The following IL1RAPL1 variants were observed in gnomAD, a reference collection of about 807,000 sequenced individuals.
IL1RAPL1 encodes the protein interleukin 1 receptor accessory protein like 1, also known as interleukin-1 receptor accessory protein-like 1.
Under a neutral mutation model 48.4 loss-of-function variants are expected in IL1RAPL1, and 3 were observed. The ratio of observed to expected loss-of-function variants is 0.06; its 90% confidence interval spans 0.03 to 0.16. The LOEUF is 0.16. Among genes scored for constraint, IL1RAPL1 ranks in the 10% least tolerant of loss-of-function variants. The pLI is 1.00. For missense variants in IL1RAPL1, 349 were observed against 530.6 expected (o/e 0.66, Z 3.36); for synonymous variants, 185 against 187.7 (o/e 0.99, Z 0.12).
intron 2 of IL1RAPL1, among the ~76,000 whole-genome samples, chrX:28,950,962 G>T (rs972136066): frequency 3.9e-5 from 4 of 103,783 alleles, no homozygotes; most frequent in African/African-American, 1.4e-4. Context: ...ATGAGTTCAT[G>T]TCCTTTGTAG....
intron 6 of IL1RAPL1, among the ~76,000 whole-genome samples, chrX:29,859,206 C>T (rs1001358887): frequency 8.9e-6 from 1 of 111,852 alleles, no homozygotes; most frequent in African/African-American, 3.3e-5. Context: ...CTAGTTGAAA[C>T]TTCTATTCTC....
chrX:28,806,748 C>G (rs1023545770), intron 2 of IL1RAPL1, among the ~76,000 whole-genome samples: 1 of 111,551 alleles, frequency 9.0e-6, no homozygotes, highest in African/African-American at 3.3e-5. Flanking sequence ...TTTTCGCTTT[C>G]TTTGGGAGAC....
intron 2 of IL1RAPL1, among the ~76,000 whole-genome samples, chrX:28,904,690 C>A (rs1923171876): frequency 8.9e-6 from 1 of 111,795 alleles, no homozygotes; most frequent in African/African-American, 3.2e-5. Flanking sequence ...TGATTCCTTT[C>A]AATTAACATT....
At chrX:29,082,992 C>T (rs1372527163) in intron 2 of IL1RAPL1, among the ~76,000 whole-genome samples, 1 of 111,424 alleles carries the variant, frequency 9.0e-6, no homozygotes, top group African/African-American at 3.3e-5. Flanking sequence ...TTCTATGTGC[C>T]TAACACAGTG....
intron 6 of IL1RAPL1, among the ~76,000 whole-genome samples, chrX:29,718,970 T>C (rs1176144186): frequency 1.8e-5 from 2 of 112,326 alleles, no homozygotes; most frequent in Admixed American, 9.4e-5. Flanking sequence ...TTTTGAAATA[T>C]GTTTTCAAGT....
chrX:29,127,809 A>G (rs1602069611), intron 2 of IL1RAPL1, among the ~76,000 whole-genome samples: 1 of 110,577 alleles, frequency 9.0e-6, no homozygotes, highest in East Asian at 2.9e-4. Flanking sequence ...AGTACAAAAA[A>G]ATAAAATTAG....
chrX:29,780,998 TA>T lies in IL1RAPL1; in HGVS notation c.778+112501del, dbSNP rs199642690. Among the ~76,000 whole-genome samples the T allele has an allele frequency of 6.4e-3, 710 of 110,891 alleles. 2 individuals are homozygous for T. The highest frequency in any genetic ancestry group is 0.022 in the African/African-American group (687 of 30,556). On this transcript the variant is annotated intron_variant, in intron 6 of 10. Coordinates refer to ENST00000378993, the MANE Select transcript of IL1RAPL1 (RefSeq NM_014271.4). ...GAAAATTGAAATGATTACCATGAAT[TA>T]AAAAAACCCACAAAACTCATAACAA... is the stretch of plus-strand genomic sequence containing the variant.
At position 29,678,664 on chromosome X, in the gene IL1RAPL1, G is replaced by A. The variant is rs1342507611; in HGVS notation, c.778+10160G>A. ...ATTACAGGCGTGAGCCACCGCGCCC[G>A]GCCAACACTATTTTTTTAGAAATGC... is the stretch of plus-strand genomic sequence containing the variant. On this transcript the variant is annotated intron_variant, in intron 6 of 10. Transcript: ENST00000378993. Among the ~76,000 whole-genome samples the A allele has an allele frequency of 2.7e-5, 3 of 109,214 alleles. No individual in the cohort carries two copies. The Admixed American group carries it at 2.9e-4, about 11-fold the overall frequency. 94.8% of individuals were successfully genotyped at this position (109,214 alleles called of 115,157 possible). A position where few individuals can be genotyped will look rare whatever the true frequency, so the allele number is the denominator to read the frequency against.
intron 2 of IL1RAPL1, among the ~76,000 whole-genome samples, chrX:29,028,183 A>G (rs1277575696): frequency 9.1e-6 from 1 of 109,992 alleles, no homozygotes; most frequent in East Asian, 2.8e-4. Flanking sequence ...TAAACAATAG[A>G]TCGCTTGGAC....
At chrX:29,199,961 G>T (rs1176771599) in intron 2 of IL1RAPL1, among the ~76,000 whole-genome samples, 1 of 111,371 alleles carries the variant, frequency 9.0e-6, no homozygotes, top group Non-Finnish European at 1.9e-5. Flanking sequence ...TTTAAATTTT[G>T]TTGAAGCAAA....
chrX:29,581,930 A>G, intron 5 of IL1RAPL1, among the ~76,000 whole-genome samples: 1 of 111,446 alleles, frequency 9.0e-6, no homozygotes, highest in Middle Eastern at 4.6e-3. Context: ...TATTTTTAAG[A>G]GTTTCAAGCC....
chrX:29,705,439 T>C (rs1927167882), intron 6 of IL1RAPL1, among the ~76,000 whole-genome samples: 2 of 112,152 alleles, frequency 1.8e-5, no homozygotes, highest in Admixed American at 9.4e-5. Flanking sequence ...GGCCTTAAAC[T>C]CCTGAGCGCA....
At chrX:29,099,024 C>A (rs186683026) in intron 2 of IL1RAPL1, among the ~76,000 whole-genome samples, 107 of 110,640 alleles carry the variant, frequency 9.7e-4, no homozygotes, top group African/African-American at 3.3e-3. Flanking sequence ...TGGTGGTGGG[C>A]GCCTGTAATC....
At chrX:29,253,801 A>C (rs1370057020) in intron 2 of IL1RAPL1, among the ~76,000 whole-genome samples, 2 of 111,164 alleles carry the variant, frequency 1.8e-5, no homozygotes, top group Non-Finnish European at 3.8e-5. Context: ...CAGATGAAAG[A>C]AACTAGGACC....
At chrX:29,846,329 G>A (rs759417342) in intron 6 of IL1RAPL1, among the ~76,000 whole-genome samples, 3 of 110,917 alleles carry the variant, frequency 2.7e-5, no homozygotes, top group African/African-American at 6.6e-5. Context: ...TTTGTTTCCC[G>A]TCCCCTTGCT....
chrX:29,232,685 A>C (rs7059269), intron 2 of IL1RAPL1, among the ~76,000 whole-genome samples: 17 of 112,515 alleles, frequency 1.5e-4, no homozygotes, highest in African/African-American at 5.5e-4. Flanking sequence ...TGTCTGTTAT[A>C]CCTAGAGAGA....
chrX:29,036,303 G>A (rs970499212), intron 2 of IL1RAPL1, among the ~76,000 whole-genome samples: 2 of 112,040 alleles, frequency 1.8e-5, no homozygotes, highest in Non-Finnish European at 3.8e-5. Flanking sequence ...ACATAAAGAT[G>A]GAATTCTGCA....
chrX:28,984,164 A>G (rs1569213406), intron 2 of IL1RAPL1, among the ~76,000 whole-genome samples: 1 of 112,069 alleles, frequency 8.9e-6, no homozygotes, highest in Non-Finnish European at 1.9e-5. Flanking sequence ...ACATGTGGCC[A>G]TTGAGCACCA....
intron 2 of IL1RAPL1, among the ~76,000 whole-genome samples, chrX:29,108,778 T>C (rs771315938): frequency 9.0e-6 from 1 of 111,498 alleles, no homozygotes; most frequent in African/African-American, 3.3e-5. Context: ...CGGCTTGATA[T>C]ATATCTAAGA....
Sources: gnomAD v4.1 joint callset for allele counts (sites outside exome capture counted in the v4.1 genomes callset) on GRCh38, gnomAD v4.1.1 for gene constraint, MANE v1.5 for transcripts, NCBI Gene and HGNC (gene_info 2026-07-23, HGNC 2026-07-21) for gene names.